NWD1: variants seen among roughly 807,000 people sequenced by gnomAD.
NWD1 encodes NACHT and WD repeat domain containing 1.
Under a neutral mutation model 135.1 loss-of-function variants are expected in NWD1, and 129 were observed. The observed-to-expected ratio is 0.96, with a 90% CI of 0.83 to 1.11. The LOEUF (loss-of-function observed/expected upper bound fraction) is 1.11, where lower values mean the gene tolerates loss of function less well. NWD1 is among the 50% of genes least tolerant of loss of function. NWD1 has a pLI of 0.00. For synonymous variants in NWD1, 773 were observed against 786.0 expected (o/e 0.98, Z 0.28); for missense variants, 1,740 against 1,851.3 (o/e 0.94, Z 1.10).
chr19:16,756,592 A>G (rs992703507), intron 6 of NWD1, among the ~76,000 whole-genome samples: 4 of 152,046 alleles, frequency 2.6e-5, no homozygotes, highest in Admixed American at 2.6e-4. Context: ...TTATCTCTCC[A>G]TATAATCTGT....
intron 6 of NWD1, among the ~76,000 whole-genome samples, chr19:16,751,321 C>G (rs1210773939): frequency 6.7e-6 from 1 of 149,490 alleles, no homozygotes; most frequent in Non-Finnish European, 1.5e-5. Flanking sequence ...TCAAAAGTAA[C>G]AAGCATATAT....
rs1473323911 is a variant in NWD1 at position 16,787,895 on chromosome 19, AATAATAATAATCATC to A, written c.2732-1084_2732-1070del. On this transcript the variant is annotated intron_variant, in intron 12 of 18. Coordinates refer to ENST00000524140, the MANE Select transcript of NWD1 (RefSeq NM_001007525.5). ...TAATAACAATAATAATAATAATAAT[AATAATAATAATCATC>A]ATCATCATCATCATCATCATCATCA... Among the ~76,000 whole-genome samples, 146 of 83,222 alleles carry A rather than the reference AATAATAATAATCATC, an allele frequency of 1.8e-3. 1 individual carries two copies. The highest frequency in any genetic ancestry group is 7.5e-3 in the African/African-American group (141 of 18,698). 54.6% of individuals were successfully genotyped at this position (83,222 alleles called of 152,430 possible). A position where few individuals can be genotyped will look rare whatever the true frequency, so the allele number is the denominator to read the frequency against.
chr19:16,755,224 T>C (rs1337969467), intron 6 of NWD1, among the ~76,000 whole-genome samples: 1 of 152,072 alleles, frequency 6.6e-6, no homozygotes, highest in East Asian at 1.9e-4. Context: ...TCTCTCTCTT[T>C]TTTGGGGGGG....
chr19:16,776,335 T>G (rs1039761784), intron 11 of NWD1, among the ~76,000 whole-genome samples: 1 of 151,934 alleles, frequency 6.6e-6, no homozygotes, highest in Non-Finnish European at 1.5e-5. Context: ...TTTGGGAGGT[T>G]GAGGCAGGTG....
chr19:16,778,934 G>A (rs1454567588), intron 11 of NWD1, among the ~76,000 whole-genome samples: 2 of 152,264 alleles, frequency 1.3e-5, no homozygotes, highest in South Asian at 4.1e-4. Context: ...CTCTGGGATG[G>A]GGTTGTCATG....
At chr19:16,765,539 G>T (rs995985891) in intron 10 of NWD1, among the ~76,000 whole-genome samples, 2 of 152,046 alleles carry the variant, frequency 1.3e-5, no homozygotes, top group South Asian at 4.2e-4. Context: ...TCACTGTGTT[G>T]CCCAGGCTAG....
intron 2 of NWD1, among the ~76,000 whole-genome samples, chr19:16,727,958 A>G (rs565359413): frequency 6.6e-6 from 1 of 152,188 alleles, no homozygotes. Flanking sequence ...GCTACTTGAG[A>G]GGCTGAGGCA....
chr19:16,761,985 G>C lies in NWD1; in HGVS notation c.1980G>C (p.Leu660=). ...CTGTATACCCTCTCTGTAGACAGCT[G>C]GTCGAGGTGGTCCGTGAGCGCTACC... is the stretch of plus-strand genomic sequence containing the variant. ...FTLLAIAHRQ[L]VEVVRERYLS... The change falls in exon 8 of 19, where the codon CTG becomes CTC. Residue 660 remains leucine, a synonymous_variant. Coordinates refer to ENST00000524140, the MANE Select transcript of NWD1 (RefSeq NM_001007525.5). The C allele has an allele frequency of 6.2e-7, 1 of 1,613,864 alleles. No homozygotes were observed. Among genetic ancestry groups the C allele is most frequent in the African/African-American group, 1.3e-5 (1 of 75,014 alleles).
intron 6 of NWD1, among the ~76,000 whole-genome samples, chr19:16,757,504 T>G (rs1331682089): frequency 6.6e-6 from 1 of 152,160 alleles, no homozygotes; most frequent in African/African-American, 2.4e-5. Flanking sequence ...TTTTGGCAGA[T>G]GAGGAAACTG....
In NWD1 at chr19:16,794,693, T is replaced by C. The variant is rs188912329; in HGVS notation, c.3304+140T>C. On this transcript the variant is annotated intron_variant, in intron 15 of 18. Coordinates refer to ENST00000524140, the MANE Select transcript of NWD1 (RefSeq NM_001007525.5). ...CTGCCAAATGGCCTCATAGTAAACA[T>C]TTTTTGCAGTCCAGACGAGACAACC... The C allele has an allele frequency of 6.0e-6, 4 of 669,728 alleles. No individual in the cohort carries two copies. The Admixed American group carries it at 1.0e-4, about 17-fold the overall frequency. The allele number at this position is 669,728 out of a possible 1,614,324, so 41.5% of individuals were successfully genotyped here.
chr19:16,750,307 G>A lies in NWD1; in HGVS notation c.1665G>A (p.Leu555=), dbSNP rs368571834. Reference sequence around the variant, plus strand: ...CCTCTTTCACCGTGCCTGTCCCGCTGGCCACCACCGCAGAGGAAGCCACGC... The same window carrying A: ...CCTCTTTCACCGTGCCTGTCCCGCTAGCCACCACCGCAGAGGAAGCCACGC... ...KWASFTVPVP[L]ATTAEEATHQ... Residue 555 remains leucine (L), a synonymous_variant, in exon 6 of 19, where the codon CTG becomes CTA. Coordinates refer to ENST00000524140, the MANE Select transcript of NWD1 (RefSeq NM_001007525.5). 28 of 1,613,460 alleles carry A rather than the reference G, an allele frequency of 1.7e-5. No homozygotes were observed. Among genetic ancestry groups the A allele is most frequent in the Middle Eastern group, 1.6e-4 (1 of 6,068 alleles).
At chr19:16,777,635 G>T (rs534750795) in intron 11 of NWD1, among the ~76,000 whole-genome samples, 6 of 15,552 alleles carry the variant, frequency 3.9e-4, no homozygotes, top group African/African-American at 2.3e-3. Flanking sequence ...GGAGGGGAAG[G>T]GGGAGGGAAG....
chr19:16,735,366 C>T (rs1001688666), intron 3 of NWD1, among the ~76,000 whole-genome samples: 6 of 151,230 alleles, frequency 4.0e-5, no homozygotes, highest in African/African-American at 1.2e-4. Context: ...ATTAGCCAGG[C>T]GTGGTGGTGC....
At position 16,779,465 on chromosome 19, in the gene NWD1, G is replaced by A; in HGVS notation, c.2731G>A (p.Gly911Arg). 6.2e-7 allele frequency: 1 copy of A among 1,612,680 alleles called. No homozygotes were observed. The highest frequency in any genetic ancestry group is 8.5e-7 in the Non-Finnish European group (1 of 1,179,926). Residue 911 changes from glycine to arginine, a missense_variant and splice_region_variant, in exon 12 of 19, where the codon GGA (glycine) becomes AGA (arginine). Physicochemically the swap from Gly to Arg is moderately radical, Grantham distance 125 (BLOSUM62 -2). Coordinates refer to ENST00000524140, the MANE Select transcript of NWD1 (RefSeq NM_001007525.5). ...GATCCACATGCTAACTGGACACACAGGTGAGACTTGGGAAGTGGGCTTTGT... is the reference window on the plus strand; with the variant it reads ...GATCCACATGCTAACTGGACACACAAGTGAGACTTGGGAAGTGGGCTTTGT... Reference protein sequence around the residue: ...HVIHMLTGHTGEVRCVKIFAK... With the variant: ...HVIHMLTGHTREVRCVKIFAK...
rs8100492 is a variant in NWD1, at chr19:16,737,054, T to G, written c.198+304T>G. 6.0e-3 allele frequency among the ~76,000 whole-genome samples: 911 copies of G among 152,046 alleles called. 8 individuals carry two copies. The highest frequency in any genetic ancestry group is 0.021 in the African/African-American group (857 of 41,486). ...CACCTTCCCCACCCCCTCCACTTTA[T>G]GTCTATAGAACTTTGGGATCCTGGA... On this transcript the variant is annotated intron_variant, in intron 4 of 18. Transcript: ENST00000524140.
chr19:16,765,712 C>A (rs971550902), intron 10 of NWD1, among the ~76,000 whole-genome samples: 1 of 152,054 alleles, frequency 6.6e-6, no homozygotes, highest in Non-Finnish European at 1.5e-5. Flanking sequence ...TTGCCCTGGA[C>A]TTTTCTTTAG....
intron 3 of NWD1, among the ~76,000 whole-genome samples, chr19:16,732,934 A>C (rs758993188): frequency 5.3e-5 from 8 of 152,168 alleles, no homozygotes; most frequent in Non-Finnish European, 1.0e-4. Flanking sequence ...TTTGGTTAAA[A>C]GATGAGGCCG....
chr19:16,804,594 G>GTTT (rs561345788), intron 17 of NWD1, among the ~76,000 whole-genome samples: 1 of 146,182 alleles, frequency 6.8e-6, no homozygotes, highest in African/African-American at 2.5e-5. Context: ...CTGTCTCTCT[G>GTTT]TTTTTTTTTT....
At chr19:16,746,328 T>C (rs968399099) in intron 5 of NWD1, among the ~76,000 whole-genome samples, 1 of 150,250 alleles carries the variant, frequency 6.7e-6, no homozygotes, top group African/African-American at 2.5e-5. Flanking sequence ...CCACTGTACT[T>C]CAGTCTGGGT....
Sources: allele counts gnomAD v4.1 joint callset (sites outside exome capture counted in the v4.1 genomes callset), GRCh38; gene constraint gnomAD v4.1.1; transcripts MANE v1.5; gene names NCBI Gene and HGNC (gene_info 2026-07-23, HGNC 2026-07-21).